Variants in RARB observed in about 807,000 individuals in gnomAD.
RARB encodes retinoic acid receptor beta.
A neutral mutation model predicts 51.9 loss-of-function variants in RARB; 17 were observed. That is an observed-to-expected ratio of 0.33 (90% CI 0.22 to 0.49). The LOEUF (loss-of-function observed/expected upper bound fraction) is 0.49, where lower values mean the gene tolerates loss of function less well. Ranked by LOEUF, RARB falls within the 20% of genes least tolerant of loss-of-function variation. The pLI is 0.99. For synonymous variants in RARB, 215 were observed against 195.4 expected, an observed-to-expected ratio of 1.10 and a Z score of -0.84; for missense variants, 369 against 550.8, an observed-to-expected ratio of 0.67 and a Z score of 3.30.
At chr3:25,191,402 T>A (rs1359943569) in intron 5 of RARB, among the ~76,000 whole-genome samples, 1 of 152,096 alleles carries the variant, frequency 6.6e-6, no homozygotes, top group Non-Finnish European at 1.5e-5. Flanking sequence ...TGGTTTAAAC[T>A]TTTATCCCTC....
chr3:25,314,018 C>T (rs1704353369), intron 5 of RARB, among the ~76,000 whole-genome samples: 1 of 152,032 alleles, frequency 6.6e-6, no homozygotes. Context: ...TTGCACTGAG[C>T]TATGATCACA....
At chr3:25,485,697 AATTG>A (rs1260761311) in intron 2 of RARB, among the ~76,000 whole-genome samples, 1 of 152,150 alleles carries the variant, frequency 6.6e-6, no homozygotes, top group East Asian at 1.9e-4. Context: ...AATTTTTTTT[AATTG>A]TATACTTTTC....
At chr3:24,918,325 T>C (rs911230551) in intron 2 of RARB, among the ~76,000 whole-genome samples, 7 of 152,176 alleles carry the variant, frequency 4.6e-5, no homozygotes, top group Admixed American at 3.3e-4. Context: ...AGACCTTATA[T>C]TGTAATCTTT....
At chr3:25,058,407 T>G (rs1295146730) in intron 2 of RARB, among the ~76,000 whole-genome samples, 1 of 151,786 alleles carries the variant, frequency 6.6e-6, no homozygotes, top group Non-Finnish European at 1.5e-5. Context: ...GACTTTTGGT[T>G]TTAAAATTGT....
intron 1 of RARB, among the ~76,000 whole-genome samples, chr3:24,851,502 CA>C (rs1352573094): frequency 1.3e-5 from 2 of 152,058 alleles, no homozygotes; most frequent in African/African-American, 4.8e-5. Flanking sequence ...CGGTTCCGTC[CA>C]GTGACTTTGG....
chr3:25,218,814 G>A (rs190287619), intron 5 of RARB, among the ~76,000 whole-genome samples: 27 of 152,254 alleles, frequency 1.8e-4, no homozygotes, highest in African/African-American at 6.3e-4. Context: ...GTGACTCAAG[G>A]CCTCAGAGCT....
rs562664999 is a variant in RARB at position 25,593,486 on chromosome 3, T to C, written c.787-17T>C. The C allele has an allele frequency of 6.3e-7, 1 of 1,583,396 alleles. No individual in the cohort carries two copies. Among genetic ancestry groups the C allele is most frequent in the Non-Finnish European group, 8.7e-7 (1 of 1,154,820 alleles). ...CAGGATGGCTTAGAACATCCATCAA[T>C]TTTTTTTTCCTTCCAGATTCTTAGA... On this transcript the variant is annotated splice_polypyrimidine_tract_variant and intron_variant, in intron 5 of 7. Coordinates refer to ENST00000330688, the MANE Select transcript of RARB (RefSeq NM_000965.5).
At chr3:25,033,190 G>A (rs1697910400) in intron 2 of RARB, among the ~76,000 whole-genome samples, 1 of 152,002 alleles carries the variant, frequency 6.6e-6, no homozygotes, top group South Asian at 2.1e-4. Flanking sequence ...TTATTAAGTG[G>A]GTATTATTAT....
chr3:25,248,406 T>C (rs1246994308), intron 5 of RARB, among the ~76,000 whole-genome samples: 1 of 152,174 alleles, frequency 6.6e-6, no homozygotes, highest in Non-Finnish European at 1.5e-5. Flanking sequence ...TCCTATTATT[T>C]TATTAATTGA....
intron 3 of RARB, among the ~76,000 whole-genome samples, chr3:25,549,557 G>C (rs1429065291): frequency 6.6e-6 from 1 of 152,114 alleles, no homozygotes; most frequent in Non-Finnish European, 1.5e-5. Context: ...TGGTTAATCA[G>C]ATCATGAAAG....
chr3:25,017,195 T>C (rs983386858), intron 2 of RARB, among the ~76,000 whole-genome samples: 1 of 151,646 alleles, frequency 6.6e-6, no homozygotes, highest in Non-Finnish European at 1.5e-5. Context: ...CCTCGTTGTT[T>C]ACAAATTAAC....
At chr3:25,125,039 T>C (rs1361114727) in intron 3 of RARB, among the ~76,000 whole-genome samples, 5 of 152,224 alleles carry the variant, frequency 3.3e-5, no homozygotes, top group African/African-American at 1.2e-4. Flanking sequence ...TCTAGTTTAC[T>C]AGTAACAAAA....
intron 2 of RARB, among the ~76,000 whole-genome samples, chr3:24,972,427 T>C (rs1215218826): frequency 1.3e-5 from 2 of 152,102 alleles, no homozygotes; most frequent in Non-Finnish European, 2.9e-5. Flanking sequence ...TTTTAGCTCT[T>C]GTGAATCATG....
At chr3:25,304,623 AACC>A (rs769929775) in intron 5 of RARB, among the ~76,000 whole-genome samples, 65 of 152,346 alleles carry the variant, frequency 4.3e-4, no homozygotes, top group Admixed American at 1.1e-3. Context: ...TCCAGAATCT[AACC>A]ACTGATTCCG....
At chr3:25,101,213 C>G (rs1036843264) in intron 3 of RARB, among the ~76,000 whole-genome samples, 1 of 152,144 alleles carries the variant, frequency 6.6e-6, no homozygotes, top group Non-Finnish European at 1.5e-5. Flanking sequence ...TATGGCACTT[C>G]TAGTCTCAGA....
chr3:25,421,523 T>A (rs1232007484), intron 5 of RARB, among the ~76,000 whole-genome samples: 1 of 149,482 alleles, frequency 6.7e-6, no homozygotes, highest in Non-Finnish European at 1.5e-5. Flanking sequence ...GCAATTCTTC[T>A]GCCTTAGCCT....
chr3:25,596,609 T>C lies in RARB; in HGVS notation c.1340T>C (p.Val447Ala). 3.8e-6 allele frequency: 6 copies of C among 1,591,762 alleles called. No individual in the cohort carries two copies. Among genetic ancestry groups the C allele is most frequent in the Non-Finnish European group, 5.2e-6 (6 of 1,163,002 alleles). The change falls in exon 8 of 8, where the codon GTG becomes GCG. Residue 447 changes from valine to alanine, a missense_variant. Physicochemically the swap from Val to Ala is moderately conservative, Grantham distance 64 (BLOSUM62 0). Coordinates refer to ENST00000330688, the MANE Select transcript of RARB (RefSeq NM_000965.5). ...ENSGVSQSPL[V>A]Q ...AGTGGGGTCAGTCAGTCACCACTCG[T>C]GCAATAAGACATTTTCTAGCTACTT...
intron 5 of RARB, among the ~76,000 whole-genome samples, chr3:25,280,494 C>A (rs909456924): frequency 1.3e-5 from 2 of 152,092 alleles, no homozygotes; most frequent in African/African-American, 2.4e-5. Context: ...TGGACATAAA[C>A]CTCCTTAGGA....
chr3:25,580,505 T>A lies in RARB; in HGVS notation c.610-41T>A, dbSNP rs756094727. ...TGAATTTCTCCCCTCCTATAGAGCT[T>A]CCCGGAAACTGTATCTGATGACATT... On this transcript the variant is annotated intron_variant, in intron 4 of 7. Transcript: ENST00000330688. The A allele has an allele frequency of 2.7e-6, 4 of 1,497,680 alleles. No homozygotes were observed. In the Admixed American group the frequency reaches 7.0e-5, roughly 26 times the overall value. 92.8% of individuals were successfully genotyped at this position (1,497,680 alleles called of 1,614,324 possible).
Sources: gnomAD v4.1 joint callset for allele counts (sites outside exome capture counted in the v4.1 genomes callset) on GRCh38, gnomAD v4.1.1 for gene constraint, MANE v1.5 for transcripts, NCBI Gene and HGNC (gene_info 2026-07-23, HGNC 2026-07-21) for gene names.